LRMDA: variants seen among roughly 807,000 people sequenced by gnomAD.
LRMDA encodes the protein leucine-rich melanocyte differentiation-associated protein.
Under a neutral mutation model 29.8 loss-of-function variants are expected in LRMDA, and 18 were observed. The observed-to-expected ratio is 0.60, with a 90% CI of 0.42 to 0.90. The LOEUF is 0.90. Ranked by LOEUF, LRMDA falls within the 40% of genes least tolerant of loss-of-function variation. The pLI is 0.00. For synonymous variants in LRMDA, 125 were observed against 109.4 expected (o/e 1.14, Z -0.89); for missense variants, 273 against 273.9 (o/e 1.00, Z 0.02).
intron 5 of LRMDA, among the ~76,000 whole-genome samples, chr10:76,176,864 A>G (rs942926878): frequency 6.6e-6 from 1 of 152,234 alleles, no homozygotes; most frequent in Admixed American, 6.5e-5. Flanking sequence ...GTGTAATTGT[A>G]TCAAGGTGAT....
intron 6 of LRMDA, among the ~76,000 whole-genome samples, chr10:76,490,888 TTTCTCTTGTGG>T (rs1842827424): frequency 6.6e-6 from 1 of 151,924 alleles, no homozygotes; most frequent in Non-Finnish European, 1.5e-5. Flanking sequence ...TGAAGGTGAT[TTTCTCTTGTGG>T]TATGATTTAA....
intron 2 of LRMDA, among the ~76,000 whole-genome samples, chr10:75,617,089 C>A (rs986964234): frequency 6.6e-6 from 1 of 152,164 alleles, no homozygotes; most frequent in East Asian, 1.9e-4. Flanking sequence ...AAAAGGCACT[C>A]TGTAGCTTTA....
chr10:75,663,050 T>C (rs1841775108), intron 2 of LRMDA, among the ~76,000 whole-genome samples: 1 of 151,880 alleles, frequency 6.6e-6, no homozygotes, highest in South Asian at 2.1e-4. Flanking sequence ...CTGGCAAGAG[T>C]TGTGTTTATG....
chr10:75,439,519 G>A (rs1328087177), intron 2 of LRMDA, among the ~76,000 whole-genome samples: 1 of 152,178 alleles, frequency 6.6e-6, no homozygotes. Context: ...CACAACTCAG[G>A]GTAATAAGGC....
chr10:75,979,783 A>G (rs2132447764), intron 2 of LRMDA, among the ~76,000 whole-genome samples: 1 of 152,084 alleles, frequency 6.6e-6, no homozygotes, highest in Middle Eastern at 3.4e-3. Flanking sequence ...GCTGTTTCCC[A>G]GGTCCCTTCC....
intron 6 of LRMDA, among the ~76,000 whole-genome samples, chr10:76,366,569 A>G (rs1046728343): frequency 1.3e-5 from 2 of 152,174 alleles, no homozygotes; most frequent in African/African-American, 4.8e-5. Context: ...CTGTTGGTGT[A>G]TAGAAGAGCT....
At chr10:76,429,879 C>G (rs554515519) in intron 6 of LRMDA, among the ~76,000 whole-genome samples, 1 of 152,072 alleles carries the variant, frequency 6.6e-6, no homozygotes, top group Non-Finnish European at 1.5e-5. Context: ...CTCCTCTCTG[C>G]GTTGAGAGAA....
rs1356300897 is a variant in LRMDA, at chr10:75,813,837, G to A, written c.132-222171G>A. 2.0e-5 allele frequency among the ~76,000 whole-genome samples: 3 copies of A among 152,254 alleles called. No individual in the cohort carries two copies. In the South Asian group the frequency reaches 6.2e-4, roughly 32 times the overall value. ...TACCCTATGCTTGCTCTAACCATTT[G>A]TGTTGAAGACAGGATCAAGATATGA... On this transcript the variant is annotated intron_variant, in intron 2 of 6. Coordinates refer to ENST00000611255, the MANE Select transcript of LRMDA (RefSeq NM_001305581.2).
At chr10:75,490,746 C>T (rs1436273235) in intron 2 of LRMDA, among the ~76,000 whole-genome samples, 1 of 152,146 alleles carries the variant, frequency 6.6e-6, no homozygotes, top group African/African-American at 2.4e-5. Flanking sequence ...GTGACCCTAC[C>T]ACTCAATGGC....
chr10:75,772,869 T>TGGGTGGGGGGGGGGGGGGGG (rs551636817), intron 2 of LRMDA, among the ~76,000 whole-genome samples: 1 of 49,776 alleles, frequency 2.0e-5, no homozygotes, highest in Non-Finnish European at 4.4e-5. Context: ...GGGGGTGGGA[T>TGGGTGGGGGGGGGGGGGGGG]GGGGGGGGGC....
intron 2 of LRMDA, among the ~76,000 whole-genome samples, chr10:75,782,386 T>C (rs190837928): frequency 1.3e-5 from 2 of 152,346 alleles, no homozygotes; most frequent in East Asian, 3.9e-4. Flanking sequence ...TTTGTCTTTT[T>C]TGCTAACTCT....
intron 6 of LRMDA, among the ~76,000 whole-genome samples, chr10:76,417,780 C>T (rs964677021): frequency 5.9e-5 from 9 of 152,102 alleles, no homozygotes; most frequent in African/African-American, 1.4e-4. Context: ...AAGGTCATGA[C>T]GGTATTATCC....
rs112252948 is a variant in LRMDA at position 76,478,803 on chromosome 10, A to G, written c.602-78406A>G. 3.3e-3 allele frequency among the ~76,000 whole-genome samples: 500 copies of G among 152,008 alleles called. 5 individuals carry two copies. Among genetic ancestry groups the G allele is most frequent in the African/African-American group, 0.012 (477 of 41,476 alleles). On this transcript the variant is annotated intron_variant, in intron 6 of 6. Coordinates refer to ENST00000611255, the MANE Select transcript of LRMDA (RefSeq NM_001305581.2). ...TCAGCAAACTATATCAAGGAGAAAA[A>G]AACAAACACTGCATGTTCTCACTTA...
chr10:75,635,332 G>GTC (rs1191656396), intron 2 of LRMDA, among the ~76,000 whole-genome samples: 4 of 152,128 alleles, frequency 2.6e-5, no homozygotes, highest in Non-Finnish European at 5.9e-5. Context: ...GTGCCTGAGT[G>GTC]TCTGCAAGCA....
intron 2 of LRMDA, among the ~76,000 whole-genome samples, chr10:75,593,412 A>G (rs1282502212): frequency 6.6e-6 from 1 of 152,212 alleles, no homozygotes; most frequent in Non-Finnish European, 1.5e-5. Flanking sequence ...AAAATGATTG[A>G]GTCTGTTTGT....
chr10:76,518,362 C>T (rs1460158487), intron 6 of LRMDA, among the ~76,000 whole-genome samples: 1 of 151,748 alleles, frequency 6.6e-6, no homozygotes, highest in African/African-American at 2.4e-5. Context: ...TAGAATATAT[C>T]TCTCATATAT....
intron 5 of LRMDA, among the ~76,000 whole-genome samples, chr10:76,259,980 G>T (rs998813545): frequency 6.6e-6 from 1 of 151,660 alleles, no homozygotes; most frequent in Non-Finnish European, 1.5e-5. Context: ...TACATGTGAG[G>T]TGAGTTTCTT....
At chr10:75,687,601 G>T (rs1842098267) in intron 2 of LRMDA, among the ~76,000 whole-genome samples, 1 of 152,256 alleles carries the variant, frequency 6.6e-6, no homozygotes, top group South Asian at 2.1e-4. Context: ...AAGTGCTGAT[G>T]TAGAAGCTGC....
chr10:76,175,564 A>T (rs989757980), intron 5 of LRMDA, among the ~76,000 whole-genome samples: 2 of 152,214 alleles, frequency 1.3e-5, no homozygotes, highest in Non-Finnish European at 2.9e-5. Context: ...AAATGGTCCT[A>T]GCAAGAAGGA....
Sources: allele counts gnomAD v4.1 joint callset (sites outside exome capture counted in the v4.1 genomes callset), GRCh38; gene constraint gnomAD v4.1.1; transcripts MANE v1.5; gene names NCBI Gene and HGNC (gene_info 2026-07-23, HGNC 2026-07-21).